FUBP1: variants seen among roughly 807,000 people sequenced by gnomAD.
FUBP1 encodes far upstream element-binding protein 1.
In FUBP1, 16 loss-of-function variants were observed where a neutral mutation model predicts 94.9. The ratio of observed to expected loss-of-function variants is 0.17; its 90% CI spans 0.11 to 0.26. The LOEUF is 0.26. Among genes scored for constraint, FUBP1 ranks in the 10% least tolerant of loss-of-function variants. The pLI is 1.00. For missense variants in FUBP1, 583 were observed against 808.6 expected (o/e 0.72, Z 3.38); for synonymous variants, 279 against 254.9 (o/e 1.09, Z -0.90).
At chr1:77,973,295 G>C (rs1168715832) in intron 1 of FUBP1, among the ~76,000 whole-genome samples, 1 of 152,104 alleles carries the variant, frequency 6.6e-6, no homozygotes, top group African/African-American at 2.4e-5. Context: ...ACCCAGACTA[G>C]AGTGCAGTGG....
chr1:77,971,871 G>A (rs1033677675), intron 1 of FUBP1, among the ~76,000 whole-genome samples: 4 of 151,906 alleles, frequency 2.6e-5, no homozygotes, highest in African/African-American at 7.3e-5. Flanking sequence ...TTAGCTGAGC[G>A]TGGTGGCGCA....
intron 1 of FUBP1, among the ~76,000 whole-genome samples, chr1:77,974,459 G>A (rs568511763): frequency 5.4e-4 from 82 of 152,178 alleles, no homozygotes; most frequent in African/African-American, 1.9e-3. Context: ...TATAGAAACA[G>A]GGTTTCACCA....
intron 16 of FUBP1, among the ~76,000 whole-genome samples, chr1:77,959,741 C>G (rs1571276614): frequency 6.6e-6 from 1 of 152,296 alleles, no homozygotes; most frequent in South Asian, 2.1e-4. Flanking sequence ...CCATATTGCC[C>G]AGGCTGGTCT....
At chr1:77,955,773 T>C (rs1465967337) in intron 17 of FUBP1, among the ~76,000 whole-genome samples, 2 of 151,804 alleles carry the variant, frequency 1.3e-5, no homozygotes, top group Non-Finnish European at 2.9e-5. Context: ...TGTAAATATA[T>C]TTCCTAGTTC....
intron 19 of FUBP1, 124 bp from the exon 20 acceptor site, chr1:77,948,898 G>T (rs762003740): frequency 3.8e-6 from 5 of 1,318,240 alleles, no homozygotes; most frequent in Non-Finnish European, 1.1e-6. Context: ...GTGGCTTCTT[G>T]CATGATTTGC....
chr1:77,951,004 A>C (rs1421055121), intron 18 of FUBP1, among the ~76,000 whole-genome samples: 1 of 152,172 alleles, frequency 6.6e-6, no homozygotes, highest in Non-Finnish European at 1.5e-5. Flanking sequence ...TCAAAGAGGA[A>C]GTAAGTTTAA....
Position 77,974,390 on chromosome 1 carries a change from C to T in FUBP1, c.121-4375G>A, listed in dbSNP as rs551718702. On this transcript the variant is annotated intron_variant, in intron 1 of 19. Coordinates refer to ENST00000370768, the MANE Select transcript of FUBP1 (RefSeq NM_003902.5). ...CTCGTGATCCACCCGCCTCAGCCTCCCAAAGTGCTGAGATTACAGGCGTGA... is the reference window on the plus strand; with the variant it reads ...CTCGTGATCCACCCGCCTCAGCCTCTCAAAGTGCTGAGATTACAGGCGTGA... Among the ~76,000 whole-genome samples the T allele has an allele frequency of 1.1e-4, 16 of 152,222 alleles. No individual in the cohort carries two copies. In the South Asian group the frequency reaches 1.2e-3, roughly 12 times the overall value.
rs1431634441 is a variant in FUBP1 at position 77,946,425 on chromosome 1, G to A, written c.*2341C>T. On this transcript the variant is annotated 3_prime_UTR_variant, in exon 20 of 20. Transcript: ENST00000370768. ...ATAAAATAACAAAATACATTTTGGG[G>A]AAGCAGTAGCAGATTGCCTTTGAAT... 3 of 198,624 alleles carry A rather than the reference G, an allele frequency of 1.5e-5. No homozygotes were observed. In the East Asian group the frequency reaches 2.3e-4, roughly 15 times the overall value. The allele number at this position is 198,624 out of a possible 1,614,324, so 12.3% of individuals were successfully genotyped here.
At position 77,948,321 on chromosome 1, in the gene FUBP1, T is replaced by C. The variant is rs1652615826; in HGVS notation, c.*445A>G. On this transcript the variant is annotated 3_prime_UTR_variant, in exon 20 of 20. Coordinates refer to ENST00000370768, the MANE Select transcript of FUBP1 (RefSeq NM_003902.5). ...CAATATTTCATGGGGAAAGCTTATA[T>C]ATTTGTGTATATGTATCTTAATTTA... 1.8e-5 allele frequency: 19 copies of C among 1,045,616 alleles called. No individual in the cohort carries two copies. Among genetic ancestry groups the C allele is most frequent in the Non-Finnish European group, 2.2e-5 (19 of 862,070 alleles). 64.8% of individuals were successfully genotyped at this position (1,045,616 alleles called of 1,614,324 possible).
Position 77,971,061 on chromosome 1 carries a change from C to CA in FUBP1, c.121-1047dup, listed in dbSNP as rs111957834. Among the ~76,000 whole-genome samples the CA allele has an allele frequency of 3.6e-3, 512 of 143,830 alleles. 1 individual carries two copies. The highest frequency in any genetic ancestry group is 8.2e-3 in the African/African-American group (324 of 39,336). 94.4% of individuals were successfully genotyped at this position (143,830 alleles called of 152,430 possible). On this transcript the variant is annotated intron_variant, in intron 1 of 19. Coordinates refer to ENST00000370768, the MANE Select transcript of FUBP1 (RefSeq NM_003902.5). ...AAAACAAAACAAAAAAAATAAAAAA[C>CA]AAAAAAAAAAACCTGGCTTCAAGTC...
At position 77,978,880 on chromosome 1, in the gene FUBP1, C is replaced by T. The variant is rs1057492658; in HGVS notation, c.120+5G>A. The T allele has an allele frequency of 1.9e-6, 3 of 1,613,572 alleles. No homozygotes were observed. The highest frequency in any genetic ancestry group is 2.5e-6 in the Non-Finnish European group (3 of 1,179,896). Reference sequence around the variant, plus strand: ...TCGGGATTCCGCCGCGCGGTCCACACTTACCTGCCGGGCTCTCTGCAGTGC... The same window carrying T: ...TCGGGATTCCGCCGCGCGGTCCACATTTACCTGCCGGGCTCTCTGCAGTGC... On this transcript the variant is annotated splice_donor_5th_base_variant and intron_variant, in intron 1 of 19. Transcript: ENST00000370768.
rs1394639300 is a variant in FUBP1, at chr1:77,969,064, TCG to T, written c.211+859_211+860del. The T allele has an allele frequency of 3.1e-6, 4 of 1,286,596 alleles. No individual in the cohort carries two copies. The African/African-American group carries it at 6.1e-5, about 20-fold the overall frequency. 79.7% of individuals were successfully genotyped at this position (1,286,596 alleles called of 1,614,324 possible). On this transcript the variant is annotated intron_variant, in intron 2 of 19. Transcript: ENST00000370768. The stretch of plus-strand genomic sequence containing the variant: ...ATTCCCTCCCAGTGTGTTGTACTGC[TCG>T]GACTTGTCCAAGAGCCATCTACACA...
At position 77,964,375 on chromosome 1, in the gene FUBP1, A is replaced by G; in HGVS notation, c.838-19T>C. On this transcript the variant is annotated intron_variant, in intron 10 of 19. Transcript: ENST00000370768. Reference sequence around the variant, plus strand: ...TGGGGACCTTATGTAAAAAAGACTAAGTATTAAGAAAGCTAGCTTCTCAGG... The same window carrying G: ...TGGGGACCTTATGTAAAAAAGACTAGGTATTAAGAAAGCTAGCTTCTCAGG... The G allele has an allele frequency of 2.8e-6, 4 of 1,426,190 alleles. No individual in the cohort carries two copies. Among genetic ancestry groups the G allele is most frequent in the Non-Finnish European group, 3.9e-6 (4 of 1,023,628 alleles). The allele number at this position is 1,426,190 out of a possible 1,614,324, so 88.3% of individuals were successfully genotyped here.
intron 3 of FUBP1, among the ~76,000 whole-genome samples, chr1:77,967,905 T>C (rs1656812099): frequency 6.6e-6 from 1 of 152,122 alleles, no homozygotes; most frequent in Non-Finnish European, 1.5e-5. Context: ...CTTTTTCAAG[T>C]TGTACAAGTA....
chr1:77,972,594 C>CAAAA lies in FUBP1; in HGVS notation c.121-2583_121-2580dup, dbSNP rs59360608. On this transcript the variant is annotated intron_variant, in intron 1 of 19. Transcript: ENST00000370768. ...TGAAACACCACCTCTACTAAAAATACAAAAAAAAAAAAAAAAAATTAGCCA... is the reference window on the plus strand; with the variant it reads ...TGAAACACCACCTCTACTAAAAATACAAAAAAAAAAAAAAAAAAAAAATTAGCCA... Among the ~76,000 whole-genome samples, 1,166 of 122,152 alleles carry CAAAA rather than the reference C, an allele frequency of 9.5e-3. 18 individuals are homozygous for CAAAA. Among genetic ancestry groups the CAAAA allele is most frequent in the African/African-American group, 0.035 (1,130 of 32,380 alleles). The allele number at this position is 122,152 out of a possible 152,430, so 80.1% of individuals were successfully genotyped here.
At chr1:77,963,834 A>C (rs1310838845) in intron 12 of FUBP1, 119 bp from the exon 13 acceptor site, 25 of 814,452 alleles carry the variant, frequency 3.1e-5, no homozygotes, top group Non-Finnish European at 4.3e-5. Flanking sequence ...TGTAGAGATG[A>C]ACTGGCCCTA....
intron 1 of FUBP1, among the ~76,000 whole-genome samples, chr1:77,971,396 T>G (rs1431751353): frequency 1.3e-5 from 2 of 152,232 alleles, no homozygotes; most frequent in Non-Finnish European, 2.9e-5. Context: ...TGCTTCAAGT[T>G]TTTATTATCA....
At chr1:77,960,614 TTTCC>T in intron 14 of FUBP1, 119 bp from the exon 15 acceptor site, 1 of 720,894 alleles carries the variant, frequency 1.4e-6, no homozygotes, top group Non-Finnish European at 2.1e-6. Flanking sequence ...AATTTTAGGT[TTTCC>T]TTCCTTTCCT....
intron 1 of FUBP1, among the ~76,000 whole-genome samples, chr1:77,975,972 A>G (rs147459655): frequency 1.6e-4 from 24 of 152,340 alleles, no homozygotes; most frequent in Admixed American, 1.6e-3. Context: ...CAGGAATCAT[A>G]ATTACTTGTC....
Sources: allele counts gnomAD v4.1 joint callset (sites outside exome capture counted in the v4.1 genomes callset), GRCh38; gene constraint gnomAD v4.1.1; transcripts MANE v1.5; gene names NCBI Gene and HGNC (gene_info 2026-07-23, HGNC 2026-07-21).